SERPINF2: variants seen among roughly 807,000 people sequenced by gnomAD.
The protein encoded by SERPINF2 is serpin family F member 2, also known as alpha-2-antiplasmin.
SERPINF2 carries 15 observed loss-of-function variants against 45.0 expected under a neutral mutation model. The ratio of observed to expected loss-of-function variants is 0.33; its 90% CI spans 0.22 to 0.51. The LOEUF (loss-of-function observed/expected upper bound fraction) is 0.51, where lower values mean the gene tolerates loss of function less well. Ranked by LOEUF, SERPINF2 falls within the 20% of genes least tolerant of loss-of-function variation. The pLI, the probability that SERPINF2 is intolerant of heterozygous loss-of-function variation, is 0.97. For synonymous variants in SERPINF2, 283 were observed against 277.9 expected, an observed-to-expected ratio of 1.02 and a Z score of -0.18; for missense variants, 518 against 637.4, an observed-to-expected ratio of 0.81 and a Z score of 2.02.
intron 1 of SERPINF2, chr17:1,743,208 A>T (rs1260583522): frequency 1.5e-5 from 10 of 656,720 alleles, no homozygotes; most frequent in African/African-American, 2.0e-5. Context: ...GCTCTGACTT[A>T]TCCTCCTGAG....
chr17:1,745,219 G>A lies in SERPINF2; in HGVS notation c.102+6G>A. The A allele has an allele frequency of 1.3e-6, 2 of 1,572,786 alleles. No homozygotes were observed. Among genetic ancestry groups the A allele is most frequent in the Non-Finnish European group, 1.7e-6 (2 of 1,159,532 alleles). ...TGGAGCCCTTGGGCCGGCAGGTACT[G>A]GGGAGTGAGGAGCCTGTGATGGGGG... is the stretch of plus-strand genomic sequence containing the variant. On this transcript the variant is annotated splice_donor_region_variant and intron_variant, in intron 3 of 9. Transcript: ENST00000453066. The surrounding 1 kb of genome is among the most constrained non-coding windows in gnomAD (Gnocchi z 6.2).
At chr17:1,753,224 T>C (rs1383384233) in intron 9 of SERPINF2, among the ~76,000 whole-genome samples, 2 of 152,068 alleles carry the variant, frequency 1.3e-5, no homozygotes, top group Non-Finnish European at 2.9e-5. Context: ...GTGCAACACA[T>C]TGAAACTCCG....
rs1323353987 is a variant in SERPINF2 at position 1,747,113 on chromosome 17, C to T, written c.462C>T (p.Asp154=). 6.2e-7 allele frequency: 1 copy of T among 1,611,636 alleles called. No homozygotes were observed. Residue 154 remains aspartate, a synonymous_variant, in exon 6 of 10, where the codon GAC becomes GAT. Coordinates refer to ENST00000453066, the MANE Select transcript of SERPINF2 (RefSeq NM_000934.4). ...ATCTGCTGAGCCGCCTCTGCCAGGA[C>T]CTGGGCCCCGGCGCGTTCCGACTGG... ...LPHLLSRLCQ[D]LGPGAFRLAA... is the part of the protein sequence containing the mutation.
chr17:1,743,077 G>A, intron 1 of SERPINF2, 169 bp downstream of exon 1: 4 of 985,344 alleles, frequency 4.1e-6, no homozygotes, highest in Non-Finnish European at 4.8e-6. Context: ...TAATGCCCAG[G>A]TCGGAGTCGG....
Position 1,754,588 on chromosome 17 carries a change from T to C in SERPINF2, c.*54T>C. On this transcript the variant is annotated 3_prime_UTR_variant, in exon 10 of 10. Coordinates refer to ENST00000453066, the MANE Select transcript of SERPINF2 (RefSeq NM_000934.4). ...CTGCCTGGACCAGCCTCTCCACTCA[T>C]GTGACTCTTTCCAACCGGCTTTGTG... 8 of 1,579,664 alleles carry C rather than the reference T, an allele frequency of 5.1e-6. No homozygotes were observed. Among genetic ancestry groups the C allele is most frequent in the South Asian group, 1.1e-5 (1 of 87,802 alleles).
At chr17:1,752,267 G>T (rs1200684331) in intron 8 of SERPINF2, among the ~76,000 whole-genome samples, 1 of 152,126 alleles carries the variant, frequency 6.6e-6, no homozygotes, top group Non-Finnish European at 1.5e-5. Context: ...TGTTGGTCAG[G>T]CTGGTCTTGA....
At chr17:1,752,951 C>T (rs1426370503) in intron 9 of SERPINF2, among the ~76,000 whole-genome samples, 161 bp downstream of exon 9, 3 of 152,188 alleles carry the variant, frequency 2.0e-5, no homozygotes, top group Non-Finnish European at 4.4e-5. Flanking sequence ...GCCCCCAGAC[C>T]CTCTGTCCTA....
chr17:1,754,410 C>T lies in SERPINF2; in HGVS notation c.1352C>T (p.Pro451Leu), dbSNP rs143256930. 731 of 1,613,270 alleles carry T rather than the reference C, an allele frequency of 4.5e-4. 1 individual carries two copies. Among genetic ancestry groups the T allele is most frequent in the African/African-American group, 9.1e-4 (68 of 75,048 alleles). The change falls in exon 10 of 10, where the codon CCG becomes CTG. Residue 451 changes from proline (P) to leucine (L), a missense_variant. Physicochemically the swap from Pro to Leu is moderately conservative, Grantham distance 98. This residue lies in a region of SERPINF2 where 83 missense variants were observed against 60.0 expected (regional missense o/e 1.38). Transcript: ENST00000453066. ...GAGCTCAAGGAACAGCAGGATTCCC[C>T]GGGCAACAAGGACTTCCTCCAGAGC... ...PRELKEQQDS[P>L]GNKDFLQSLK...
intron 8 of SERPINF2, among the ~76,000 whole-genome samples, chr17:1,750,566 G>A (rs894870472): frequency 6.6e-6 from 1 of 152,154 alleles, no homozygotes; most frequent in Non-Finnish European, 1.5e-5. Context: ...GGGATTATAG[G>A]CAGGAGCCAC....
chr17:1,746,619 G>A (rs1245220047), intron 5 of SERPINF2, among the ~76,000 whole-genome samples: 2 of 151,884 alleles, frequency 1.3e-5, no homozygotes, highest in Non-Finnish European at 2.9e-5. Flanking sequence ...TAGAGACGGG[G>A]TTTCACCATG....
chr17:1,750,907 C>T (rs1178398547), intron 8 of SERPINF2, among the ~76,000 whole-genome samples: 1 of 152,152 alleles, frequency 6.6e-6, no homozygotes, highest in Non-Finnish European at 1.5e-5. Context: ...TCCTGCTTCC[C>T]CTTTCCTCCA....
intron 9 of SERPINF2, among the ~76,000 whole-genome samples, chr17:1,753,373 A>G (rs1223161894): frequency 6.6e-6 from 1 of 152,156 alleles, no homozygotes; most frequent in Non-Finnish European, 1.5e-5. Flanking sequence ...TCAGCAAAAG[A>G]ACTAAGACCT....
In SERPINF2 at chr17:1,747,593, C is replaced by G; in HGVS notation, c.715+81C>G. The G allele has an allele frequency of 4.8e-6, 7 of 1,458,324 alleles. 1 individual carries two copies. The highest frequency in any genetic ancestry group is 6.6e-6 in the Non-Finnish European group (7 of 1,060,396). The allele number at this position is 1,458,324 out of a possible 1,614,324, so 90.3% of individuals were successfully genotyped here. A position where few individuals can be genotyped will look rare whatever the true frequency, so the allele number is the denominator to read the frequency against. On this transcript the variant is annotated intron_variant, in intron 7 of 9. Transcript: ENST00000453066. Reference sequence around the variant, plus strand: ...GGCCTTTTTGTTTTTTGAGACAAGTCTCGCTCTGTCACCCAGGGTGGAGCG... The same window carrying G: ...GGCCTTTTTGTTTTTTGAGACAAGTGTCGCTCTGTCACCCAGGGTGGAGCG...
At position 1,745,420 on chromosome 17, in the gene SERPINF2, G is replaced by A. The variant is rs745456546; in HGVS notation, c.165+25G>A. ...GGTACAACCAGGTGGGGCTGGGGAA[G>A]AGTGGGCGGGGCTAGAGGGAGGAGG... On this transcript the variant is annotated intron_variant, in intron 4 of 9. Coordinates refer to ENST00000453066, the MANE Select transcript of SERPINF2 (RefSeq NM_000934.4). The surrounding 1 kb of genome is among the most constrained non-coding windows in gnomAD (Gnocchi z 6.2). 3.0e-5 allele frequency: 48 copies of A among 1,607,628 alleles called. No homozygotes were observed. Among genetic ancestry groups the A allele is most frequent in the South Asian group, 1.1e-5 (1 of 90,920 alleles).
chr17:1,747,011 C>G lies in SERPINF2; in HGVS notation c.368-8C>G, dbSNP rs763608721. The G allele has an allele frequency of 6.2e-7, 1 of 1,604,426 alleles. No individual in the cohort carries two copies. The highest frequency in any genetic ancestry group is 8.5e-7 in the Non-Finnish European group (1 of 1,179,672). ...CAGCCGGGCCTCAGCCTGTGCGGTG[C>G]CCTCCAGGTGCTCAGAACCACACGT... On this transcript the variant is annotated splice_polypyrimidine_tract_variant and splice_region_variant and intron_variant, in intron 5 of 9. Transcript: ENST00000453066.
rs761290639 is a variant in SERPINF2, at chr17:1,747,122, C to T, written c.471C>T (p.Pro157=). Residue 157 remains proline (P), a synonymous_variant, in exon 6 of 10, where the codon CCC becomes CCT. Coordinates refer to ENST00000453066, the MANE Select transcript of SERPINF2 (RefSeq NM_000934.4). ...LLSRLCQDLG[P]GAFRLAARMY... is the part of the protein sequence containing the mutation. The stretch of plus-strand genomic sequence containing the variant: ...GCCGCCTCTGCCAGGACCTGGGCCC[C>T]GGCGCGTTCCGACTGGCTGCCAGGA... 23 of 1,611,622 alleles carry T rather than the reference C, an allele frequency of 1.4e-5. No individual in the cohort carries two copies. Among genetic ancestry groups the T allele is most frequent in the South Asian group, 7.7e-5 (7 of 91,056 alleles).
At position 1,748,804 on chromosome 17, in the gene SERPINF2, CTG is replaced by C. The variant is rs1906110108; in HGVS notation, c.858+67_858+68del. On this transcript the variant is annotated intron_variant, in intron 8 of 9. Coordinates refer to ENST00000453066, the MANE Select transcript of SERPINF2 (RefSeq NM_000934.4). ...GGAGGTGGGGAAGGGAGTGGACAGG[CTG>C]TGGAGCAGGCACAGGGATGGGTGGA... The C allele has an allele frequency of 6.8e-6, 6 of 888,296 alleles. No individual in the cohort carries two copies. In the East Asian group the frequency reaches 1.4e-4, roughly 21 times the overall value. 55.0% of individuals were successfully genotyped at this position (888,296 alleles called of 1,614,324 possible).
intron 5 of SERPINF2, among the ~76,000 whole-genome samples, chr17:1,746,186 T>C (rs1029076763): frequency 6.6e-6 from 1 of 151,934 alleles, no homozygotes; most frequent in Non-Finnish European, 1.5e-5. Context: ...TGCGTGGTGG[T>C]GCGCACCTGT....
Position 1,745,288 on chromosome 17 carries a change from G to A in SERPINF2, c.103-45G>A, listed in dbSNP as rs758533164. On this transcript the variant is annotated intron_variant, in intron 3 of 9. Coordinates refer to ENST00000453066, the MANE Select transcript of SERPINF2 (RefSeq NM_000934.4). The surrounding 1 kb of genome is among the most constrained non-coding windows in gnomAD (Gnocchi z 6.2). ...ACTGGTGGCTTGGGCAGGGTGGGGG[G>A]CCTGTGGGAAGGGTCGGTCTCCATC... is the stretch of plus-strand genomic sequence containing the variant. 2 of 1,307,386 alleles carry A rather than the reference G, an allele frequency of 1.5e-6. No individual in the cohort carries two copies. The highest frequency in any genetic ancestry group is 1.2e-5 in the South Asian group (1 of 85,532). 81.0% of individuals were successfully genotyped at this position (1,307,386 alleles called of 1,614,324 possible).
Sources: allele counts gnomAD v4.1 joint callset (sites outside exome capture counted in the v4.1 genomes callset), GRCh38; gene constraint gnomAD v4.1.1; regional missense constraint gnomAD v4.1.1; non-coding constraint Gnocchi (gnomAD v3.1); transcripts MANE v1.5; gene names NCBI Gene and HGNC (gene_info 2026-07-23, HGNC 2026-07-21).